DOCK9: variants seen among roughly 807,000 people sequenced by gnomAD.
DOCK9 encodes dedicator of cytokinesis protein 9.
Under a neutral mutation model 263.3 loss-of-function variants are expected in DOCK9, and 89 were observed. That is an observed-to-expected ratio of 0.34 (90% confidence interval 0.28 to 0.40). The LOEUF (loss-of-function observed/expected upper bound fraction) is 0.40, where lower values mean the gene tolerates loss of function less well. Among genes scored for constraint, DOCK9 ranks in the 10% least tolerant of loss-of-function variants. The pLI is 1.00. For missense variants in DOCK9, 2,140 were observed against 2,603.4 expected (o/e 0.82, Z 3.87); for synonymous variants, 976 against 973.1 (o/e 1.00, Z -0.06).
At chr13:99,028,331 C>A (rs188425559) in intron 1 of DOCK9, among the ~76,000 whole-genome samples, 1 of 152,216 alleles carries the variant, frequency 6.6e-6, no homozygotes, top group African/African-American at 2.4e-5. Flanking sequence ...TTCATCAGGG[C>A]AGCTCTTAGT....
In DOCK9 at chr13:98,914,320, G is replaced by A. The variant is rs753224236; in HGVS notation, c.960+8C>T. 3.5e-5 allele frequency: 56 copies of A among 1,605,388 alleles called. No homozygotes were observed. Among genetic ancestry groups the A allele is most frequent in the Middle Eastern group, 1.7e-4 (1 of 6,052 alleles). On this transcript the variant is annotated splice_region_variant and intron_variant, in intron 9 of 52. Transcript: ENST00000682017. ...CAACGAAGAGCAGAAGATATAAGAC[G>A]ATGTTACCTTGGCAAGTTCCGGCAG...
At chr13:98,918,092 T>C (rs1277344562) in intron 7 of DOCK9, among the ~76,000 whole-genome samples, 2 of 152,072 alleles carry the variant, frequency 1.3e-5, no homozygotes, top group African/African-American at 4.8e-5. Flanking sequence ...GCTAGAAAAG[T>C]GGACAAAATA....
intron 7 of DOCK9, among the ~76,000 whole-genome samples, chr13:98,917,592 C>G (rs1239430462): frequency 5.3e-5 from 8 of 151,062 alleles, no homozygotes; most frequent in Non-Finnish European, 1.2e-4. Context: ...AGTGGTGCTA[C>G]AGTCTTGAAC....
chr13:98,990,878 C>T (rs377379189), intron 1 of DOCK9, among the ~76,000 whole-genome samples: 6 of 152,116 alleles, frequency 3.9e-5, no homozygotes, highest in Non-Finnish European at 4.4e-5. Flanking sequence ...AAAAGGAATG[C>T]GGAATGCTCT....
chr13:98,900,415 G>A (rs1482173342), intron 13 of DOCK9, among the ~76,000 whole-genome samples: 1 of 152,128 alleles, frequency 6.6e-6, no homozygotes, highest in Non-Finnish European at 1.5e-5. Flanking sequence ...ACATAAAAGA[G>A]CTAAAAGAGC....
At chr13:99,037,488 A>C (rs952942760) in intron 1 of DOCK9, among the ~76,000 whole-genome samples, 8 of 152,238 alleles carry the variant, frequency 5.3e-5, no homozygotes, top group African/African-American at 1.9e-4. Context: ...TGTGGAGCAA[A>C]TAAACTCTCA....
At chr13:98,824,792 A>T (rs888681638) in intron 44 of DOCK9, among the ~76,000 whole-genome samples, 2 of 152,194 alleles carry the variant, frequency 1.3e-5, no homozygotes, top group African/African-American at 4.8e-5. Context: ...AATAGGTATT[A>T]AATCAAAGTA....
At position 98,829,587 on chromosome 13, in the gene DOCK9, C is replaced by A. The variant is rs2092680617; in HGVS notation, c.4749+56G>T. The A allele has an allele frequency of 1.3e-6, 2 of 1,585,852 alleles. No individual in the cohort carries two copies. Among genetic ancestry groups the A allele is most frequent in the Admixed American group, 3.6e-5 (2 of 55,540 alleles). ...TCTGTTTGCTGCCTGTCCACAAGCA[C>A]CTCAGGTGCTGATGCAGAGTCTCAG... On this transcript the variant is annotated intron_variant, in intron 42 of 52. Coordinates refer to ENST00000682017, the MANE Select transcript of DOCK9 (RefSeq NM_001366683.2). The surrounding 1 kb of genome is among the most constrained non-coding windows in gnomAD (Gnocchi z 4.1).
chr13:98,830,871 T>C (rs936850864), intron 41 of DOCK9, among the ~76,000 whole-genome samples: 6 of 152,218 alleles, frequency 3.9e-5, no homozygotes, highest in Admixed American at 2.6e-4. Context: ...AAGGGACACC[T>C]ACCATGTGTT....
At chr13:99,043,996 T>A (rs1888724057) in intron 1 of DOCK9, among the ~76,000 whole-genome samples, 1 of 152,210 alleles carries the variant, frequency 6.6e-6, no homozygotes. Flanking sequence ...TAAATGTGAC[T>A]CACTCACTTA....
chr13:98,949,129 G>C lies in DOCK9; in HGVS notation c.243+6306C>G, dbSNP rs573448142. Among the ~76,000 whole-genome samples the C allele has an allele frequency of 2.6e-4, 40 of 152,256 alleles. 1 individual carries two copies. In the South Asian group the frequency reaches 8.1e-3, roughly 31 times the overall value. On this transcript the variant is annotated intron_variant, in intron 2 of 52. Transcript: ENST00000682017. ...CCTCTGTCACCCAGGCTGGACCGCA[G>C]CAGCACAATCATGGCTCACTGCAGC...
chr13:98,902,471 A>C lies in DOCK9; in HGVS notation c.1197T>G (p.Thr399=). Residue 399 remains threonine (T), a synonymous_variant, in exon 12 of 53, where the codon ACT becomes ACG. Coordinates refer to ENST00000682017, the MANE Select transcript of DOCK9 (RefSeq NM_001366683.2). ...TGTATTTTATGTCAAACAGGGATAG[A>C]GTAACAAAGAAAGGTTCAACCTGAA... ...PTTNVEPFFV[T]LSLFDIKYNR... 1 of 1,613,950 alleles carries C rather than the reference A, an allele frequency of 6.2e-7. No homozygotes were observed.
intron 1 of DOCK9, among the ~76,000 whole-genome samples, chr13:99,061,561 G>T (rs995348796): frequency 6.6e-6 from 1 of 152,132 alleles, no homozygotes; most frequent in Non-Finnish European, 1.5e-5. Context: ...TGGCAGACTG[G>T]GGAAGCCAGC....
At chr13:98,962,937 A>G (rs1371445614) in intron 1 of DOCK9, among the ~76,000 whole-genome samples, 1 of 151,134 alleles carries the variant, frequency 6.6e-6, no homozygotes, top group East Asian at 2.0e-4. Flanking sequence ...GCTCCATGAC[A>G]GCAGCAGGGT....
chr13:98,876,243 G>T (rs745788681), intron 27 of DOCK9, among the ~76,000 whole-genome samples: 2 of 152,208 alleles, frequency 1.3e-5, no homozygotes, highest in African/African-American at 4.8e-5. Context: ...TGTAATCCCA[G>T]CACTTTAGGA....
intron 9 of DOCK9, among the ~76,000 whole-genome samples, chr13:98,910,751 C>G (rs2049871628): frequency 1.3e-5 from 2 of 152,134 alleles, no homozygotes; most frequent in Admixed American, 1.3e-4. Flanking sequence ...TGTAATCTTA[C>G]TGAACTGTGG....
intron 34 of DOCK9, 24 bp from the exon 35 acceptor site, chr13:98,853,546 T>C (rs1468973959): frequency 6.5e-7 from 1 of 1,528,688 alleles, no homozygotes; most frequent in South Asian, 1.2e-5. Flanking sequence ...ACAGGTGATT[T>C]TTCTATTTAA....
chr13:98,989,802 G>T (rs1879393874), intron 1 of DOCK9, among the ~76,000 whole-genome samples: 1 of 152,076 alleles, frequency 6.6e-6, no homozygotes, highest in Admixed American at 6.5e-5. Context: ...TTAGAAAAAA[G>T]AAAATTTTAT....
chr13:99,056,852 C>G (rs1352042777), intron 1 of DOCK9, among the ~76,000 whole-genome samples: 1 of 152,232 alleles, frequency 6.6e-6, no homozygotes, highest in Non-Finnish European at 1.5e-5. Flanking sequence ...TGAGGAAAGA[C>G]AGTGGCCCTG....
Sources: allele counts gnomAD v4.1 joint callset (sites outside exome capture counted in the v4.1 genomes callset), GRCh38; gene constraint gnomAD v4.1.1; non-coding constraint Gnocchi (gnomAD v3.1); transcripts MANE v1.5; gene names NCBI Gene and HGNC (gene_info 2026-07-23, HGNC 2026-07-21).